Variants in CABP7 observed in about 807,000 individuals in gnomAD.
CABP7 encodes the protein calcium binding protein 7.
Under a neutral mutation model 23.1 loss-of-function variants are expected in CABP7, and 13 were observed. That is an observed-to-expected ratio of 0.56 (90% CI 0.37 to 0.90). The LOEUF is 0.90. Among genes scored for constraint, CABP7 ranks in the 40% least tolerant of loss-of-function variants. The pLI is 0.01. For synonymous variants in CABP7, 123 were observed against 115.3 expected, an observed-to-expected ratio of 1.07 and a Z score of -0.43; for missense variants, 248 against 295.6, an observed-to-expected ratio of 0.84 and a Z score of 1.18.
In CABP7 at chr22:29,729,057, C is replaced by T. The variant is rs769200043; in HGVS notation, c.369C>T (p.Cys123=). The T allele has an allele frequency of 1.6e-5, 25 of 1,610,128 alleles. No homozygotes were observed. The highest frequency in any genetic ancestry group is 4.4e-5 in the South Asian group (4 of 90,984). ...GTDFDTVFWK[C]DMQKLTVDEL... ...ACCGTGTTGTCCCCCTCCGCAAGTGCGACATGCAGAAGCTGACGGTGGATG... is the reference window on the plus strand; with the variant it reads ...ACCGTGTTGTCCCCCTCCGCAAGTGTGACATGCAGAAGCTGACGGTGGATG... The change falls in exon 4 of 5, where the codon TGC becomes TGT. Residue 123 remains cysteine, a splice_region_variant and synonymous_variant. Coordinates refer to ENST00000216144, the MANE Select transcript of CABP7 (RefSeq NM_182527.3).
Position 29,730,968 on chromosome 22 carries a change from CTT to C in CABP7, c.*1401_*1402del, listed in dbSNP as rs1410932906. ...ACAGCCAGACCACTGTGGTGACAGA[CTT>C]TCTTTATAAACATTTGGAAGTTTTC... is the stretch of plus-strand genomic sequence containing the variant. On this transcript the variant is annotated 3_prime_UTR_variant, in exon 5 of 5. Transcript: ENST00000216144. 1 of 334,546 alleles carries C rather than the reference CTT, an allele frequency of 3.0e-6. No individual in the cohort carries two copies. The highest frequency in any genetic ancestry group is 5.3e-6 in the Non-Finnish European group (1 of 187,438). 20.7% of individuals were successfully genotyped at this position (334,546 alleles called of 1,614,324 possible).
chr22:29,720,650 A>G lies in CABP7; in HGVS notation c.109+117A>G. ...GGGCGGTCCGCAGGTGCCGGTTGCC[A>G]GGTGGGCGCCCCAGCTAGCAGCTGT... On this transcript the variant is annotated intron_variant, in intron 1 of 4. Coordinates refer to ENST00000216144, the MANE Select transcript of CABP7 (RefSeq NM_182527.3). This position sits in a 1 kb window ranked among gnomAD's most constrained non-coding sequence, Gnocchi z 5.2. 1.9e-6 allele frequency: 1 copy of G among 528,556 alleles called. No individual in the cohort carries two copies. Among genetic ancestry groups the G allele is most frequent in the Non-Finnish European group, 3.1e-6 (1 of 321,898 alleles). 32.7% of individuals were successfully genotyped at this position (528,556 alleles called of 1,614,324 possible).
chr22:29,724,325 G>T, intron 1 of CABP7, among the ~76,000 whole-genome samples: 1 of 152,322 alleles, frequency 6.6e-6, no homozygotes, highest in East Asian at 1.9e-4. Context: ...TGGTCCCAGC[G>T]ACCGCCAACA....
In CABP7 at chr22:29,728,652, G is replaced by C; in HGVS notation, c.276G>C (p.Glu92Asp). The change falls in exon 3 of 5, where the codon GAG becomes GAC. Residue 92 changes from glutamate to aspartate, a missense_variant. Physicochemically the swap from Glu to Asp is conservative, Grantham distance 45. Transcript: ENST00000216144. The stretch of plus-strand genomic sequence containing the variant: ...CAGGTGATGGTCAAGTGGACTTTGA[G>C]GAGTTTGTGACCCTTCTGGGACCCA... Reference protein sequence around the residue: ...DMDGDGQVDFEEFVTLLGPKL... With the variant: ...DMDGDGQVDFDEFVTLLGPKL... The C allele has an allele frequency of 6.2e-7, 1 of 1,613,272 alleles. No individual in the cohort carries two copies. Among genetic ancestry groups the C allele is most frequent in the Non-Finnish European group, 8.5e-7 (1 of 1,179,498 alleles).
Position 29,731,163 on chromosome 22 carries a change from T to C in CABP7, c.*1594T>C. The C allele has an allele frequency of 7.0e-7, 1 of 1,435,308 alleles. No individual in the cohort carries two copies. The highest frequency in any genetic ancestry group is 1.6e-5 in the South Asian group (1 of 61,088). The allele number at this position is 1,435,308 out of a possible 1,614,324, so 88.9% of individuals were successfully genotyped here. ...CATGGGGCGTAGCAGGAACCGGGCT[T>C]GGCTTCCTATTGTGACTGATGAGAA... On this transcript the variant is annotated 3_prime_UTR_variant, in exon 5 of 5. Coordinates refer to ENST00000216144, the MANE Select transcript of CABP7 (RefSeq NM_182527.3).
chr22:29,728,783 T>C, intron 3 of CABP7, 41 bp downstream of exon 3: 3 of 1,415,692 alleles, frequency 2.1e-6, no homozygotes, highest in Non-Finnish European at 3.0e-6. Flanking sequence ...GTGCACACTG[T>C]GGAGTTCTGT....
chr22:29,727,381 A>G lies in CABP7; in HGVS notation c.110-281A>G, dbSNP rs1395319274. 6.6e-6 allele frequency among the ~76,000 whole-genome samples: 1 copy of G among 152,188 alleles called. No homozygotes were observed. The highest frequency in any genetic ancestry group is 6.5e-5 in the Admixed American group (1 of 15,282). On this transcript the variant is annotated intron_variant, in intron 1 of 4. Transcript: ENST00000216144. This position sits in a 1 kb window ranked among gnomAD's most constrained non-coding sequence, Gnocchi z 4.2. ...GTCCCCACCACACGGGGTCGTTGTGAGCACACCAGGAGAGGCTGTGAGAGC... is the reference window on the plus strand; with the variant it reads ...GTCCCCACCACACGGGGTCGTTGTGGGCACACCAGGAGAGGCTGTGAGAGC...
rs1313688518 is a variant in CABP7, at chr22:29,720,465, G to C, written c.41G>C (p.Gly14Ala). The C allele has an allele frequency of 1.3e-6, 2 of 1,561,830 alleles. No individual in the cohort carries two copies. The highest frequency in any genetic ancestry group is 1.4e-5 in the African/African-American group (1 of 70,568). ...HPVTAALMYR[G>A]IYTVPNLLSE... ...GTGACGGCGGCGTTGATGTACCGGG[G>C]CATCTACACCGTGCCCAACCTGCTG... is the stretch of plus-strand genomic sequence containing the variant. Residue 14 changes from glycine to alanine, a missense_variant, in exon 1 of 5, where the codon GGC (glycine) becomes GCC (alanine). Gly to Ala is a moderately conservative substitution (Grantham distance 60). Coordinates refer to ENST00000216144, the MANE Select transcript of CABP7 (RefSeq NM_182527.3). The surrounding 1 kb of genome is among the most constrained non-coding windows in gnomAD (Gnocchi z 5.2).
In CABP7 at chr22:29,727,761, A is replaced by G. The variant is rs779345540; in HGVS notation, c.209A>G (p.Asn70Ser). Residue 70 changes from asparagine to serine, a missense_variant, in exon 2 of 5, where the codon AAC (asparagine) becomes AGC (serine). Transcript: ENST00000216144. The surrounding 1 kb of genome is among the most constrained non-coding windows in gnomAD (Gnocchi z 4.2). ...TAMRSLGYMP[N>S]EVELEVIIQR... Reference sequence around the variant, plus strand: ...ATGCGCTCACTGGGTTACATGCCCAACGAGGTGGAGCTGGAGGTCATCATC... The same window carrying G: ...ATGCGCTCACTGGGTTACATGCCCAGCGAGGTGGAGCTGGAGGTCATCATC... 4.3e-6 allele frequency: 7 copies of G among 1,613,144 alleles called. No homozygotes were observed. The Admixed American group carries it at 1.2e-4, about 27-fold the overall frequency.
At chr22:29,724,509 G>A (rs2067782100) in intron 1 of CABP7, among the ~76,000 whole-genome samples, 1 of 152,198 alleles carries the variant, frequency 6.6e-6, no homozygotes, top group Admixed American at 6.5e-5. Flanking sequence ...GCAAATACCT[G>A]CCCAAGGTCA....
rs530922241 is a variant in CABP7 at position 29,730,531 on chromosome 22, G to C, written c.*962G>C. 1.3e-5 allele frequency: 2 copies of C among 152,520 alleles called. No individual in the cohort carries two copies. The highest frequency in any genetic ancestry group is 6.5e-5 in the Admixed American group (1 of 15,310). The allele number at this position is 152,520 out of a possible 1,614,324, so 9.4% of individuals were successfully genotyped here. A position where few individuals can be genotyped will look rare whatever the true frequency, so the allele number is the denominator to read the frequency against. Reference sequence around the variant, plus strand: ...CAAGAAACTGGCACAGCCCCACACTGTCAGTGCCAAGAGGCTGCGCCAGGC... The same window carrying C: ...CAAGAAACTGGCACAGCCCCACACTCTCAGTGCCAAGAGGCTGCGCCAGGC... On this transcript the variant is annotated 3_prime_UTR_variant, in exon 5 of 5. Coordinates refer to ENST00000216144, the MANE Select transcript of CABP7 (RefSeq NM_182527.3).
rs752195502 is a variant in CABP7, at chr22:29,729,185, A to C, written c.497A>C (p.Glu166Ala). 2 of 1,609,658 alleles carry C rather than the reference A, an allele frequency of 1.2e-6. No individual in the cohort carries two copies. The highest frequency in any genetic ancestry group is 2.2e-5 in the South Asian group (2 of 90,658). The change falls in exon 4 of 5, where the codon GAG (glutamate) becomes GCG (alanine). Residue 166 changes from glutamate to alanine, a missense_variant. Physicochemically the swap from Glu to Ala is moderately radical, Grantham distance 107. Transcript: ENST00000216144. ...GAGGAGAGCCACCTGGGCACAGCCG[A>C]GGAGTGTCCCGTGGATGTGGAGAGT... The part of the protein sequence containing the change: ...TEEESHLGTA[E>A]ECPVDVETCS...
intron 1 of CABP7, among the ~76,000 whole-genome samples, chr22:29,726,198 C>A (rs958972923): frequency 6.6e-6 from 1 of 152,180 alleles, no homozygotes; most frequent in Non-Finnish European, 1.5e-5. Context: ...AGTCTGGGGG[C>A]CCAGGCAACC....
Position 29,729,487 on chromosome 22 carries a change from T to C in CABP7, c.566T>C (p.Leu189Pro). Residue 189 changes from leucine (L) to proline (P), a missense_variant, in exon 5 of 5, where the codon CTC becomes CCC. Leu to Pro is a moderately conservative substitution (Grantham distance 98, BLOSUM62 -3). Transcript: ENST00000216144. ...QIRQTCVRKS[L>P]ICAFAIAFII... ...CGCCAGACTTGCGTGCGCAAGAGTC[T>C]CATCTGCGCCTTCGCCATCGCCTTC... is the stretch of plus-strand genomic sequence containing the variant. The C allele has an allele frequency of 6.2e-7, 1 of 1,612,284 alleles. No individual in the cohort carries two copies.
chr22:29,727,266 G>C lies in CABP7; in HGVS notation c.110-396G>C, dbSNP rs956351806. Among the ~76,000 whole-genome samples, 4 of 151,874 alleles carry C rather than the reference G, an allele frequency of 2.6e-5. No homozygotes were observed. The East Asian group carries it at 7.8e-4, about 30-fold the overall frequency. On this transcript the variant is annotated intron_variant, in intron 1 of 4. Transcript: ENST00000216144. This position sits in a 1 kb window ranked among gnomAD's most constrained non-coding sequence, Gnocchi z 4.2. Reference sequence around the variant, plus strand: ...AGGCGCAGCGGGATGGAGATGGTGGGGGAGAGGGGGATGAAAGGAATGGGG... The same window carrying C: ...AGGCGCAGCGGGATGGAGATGGTGGCGGAGAGGGGGATGAAAGGAATGGGG...
At position 29,727,852 on chromosome 22, in the gene CABP7, G is replaced by A. The variant is rs779287250; in HGVS notation, c.253+47G>A. 5.7e-6 allele frequency: 9 copies of A among 1,582,944 alleles called. No homozygotes were observed. In the African/African-American group the frequency reaches 1.1e-4, roughly 19 times the overall value. On this transcript the variant is annotated intron_variant, in intron 2 of 4. Transcript: ENST00000216144. The surrounding 1 kb of genome is among the most constrained non-coding windows in gnomAD (Gnocchi z 4.2). ...TTTCCCCACCTGGCATCTGGGCCCT[G>A]GGGGTGGGGCAGGGGCTGGGGCCTG...
intron 3 of CABP7, 123 bp downstream of exon 3, chr22:29,728,865 C>T: frequency 3.0e-6 from 3 of 996,190 alleles, no homozygotes; most frequent in Non-Finnish European, 4.6e-6. Flanking sequence ...GTCCACTGGA[C>T]ATTTCACCTC....
At chr22:29,725,846 G>A (rs984860838) in intron 1 of CABP7, among the ~76,000 whole-genome samples, 5 of 152,206 alleles carry the variant, frequency 3.3e-5, no homozygotes, top group Middle Eastern at 3.2e-3. Flanking sequence ...GTGGCCGGGC[G>A]AGGAGGCCAG....
chr22:29,727,586 G>A lies in CABP7; in HGVS notation c.110-76G>A, dbSNP rs960357955. 20 of 1,574,272 alleles carry A rather than the reference G, an allele frequency of 1.3e-5. No homozygotes were observed. The highest frequency in any genetic ancestry group is 2.2e-5 in the South Asian group (2 of 89,580). On this transcript the variant is annotated intron_variant, in intron 1 of 4. Coordinates refer to ENST00000216144, the MANE Select transcript of CABP7 (RefSeq NM_182527.3). The surrounding 1 kb of genome is among the most constrained non-coding windows in gnomAD (Gnocchi z 4.2). ...AAGGCCATGCTCAGGCTGCAGGGTCGGTGATCCTGGGGGTCTGGAAAGGGG... is the reference window on the plus strand; with the variant it reads ...AAGGCCATGCTCAGGCTGCAGGGTCAGTGATCCTGGGGGTCTGGAAAGGGG...
Sources: gnomAD v4.1 joint callset for allele counts (sites outside exome capture counted in the v4.1 genomes callset) on GRCh38, gnomAD v4.1.1 for gene constraint, Gnocchi (gnomAD v3.1) non-coding constraint, MANE v1.5 for transcripts, NCBI Gene and HGNC (gene_info 2026-07-23, HGNC 2026-07-21) for gene names.